The following RANBP2 variants were observed in gnomAD, a reference collection of about 807,000 sequenced individuals.
The protein encoded by RANBP2 is RAN binding protein 2.
In RANBP2, 57 loss-of-function variants were observed where a neutral mutation model predicts 303.6. The ratio of observed to expected loss-of-function variants is 0.19; its 90% CI spans 0.15 to 0.23. The LOEUF is 0.23. RANBP2 is among the 10% of genes least tolerant of loss of function. RANBP2 has a pLI of 1.00. For missense variants in RANBP2, 3,138 were observed against 3,780.8 expected, an observed-to-expected ratio of 0.83 and a Z score of 4.46; for synonymous variants, 1,167 against 1,301.5, an observed-to-expected ratio of 0.90 and a Z score of 2.23.
chr2:109,409,903 G>A, the RANBP2 span, among the ~76,000 whole-genome samples: 1 of 152,142 alleles, frequency 6.6e-6, no homozygotes, highest in Non-Finnish European at 1.5e-5. Flanking sequence ...GCTCCTTGGG[G>A]TGATGACAGT....
chr2:109,474,979 T>C, the RANBP2 span, among the ~76,000 whole-genome samples: 1 of 152,144 alleles, frequency 6.6e-6, no homozygotes, highest in East Asian at 1.9e-4. Flanking sequence ...TTTTGTTTGT[T>C]TGTTTGTTTG....
At chr2:108,741,432 G>A (rs1696079228) in intron 7 of RANBP2, among the ~76,000 whole-genome samples, 1 of 148,718 alleles carries the variant, frequency 6.7e-6, no homozygotes, top group South Asian at 2.1e-4. Context: ...TCTTGACCTC[G>A]TGATCTGCCT....
chr2:109,564,470 C>T, the RANBP2 span: 3 of 1,588,644 alleles, frequency 1.9e-6, no homozygotes, highest in Non-Finnish European at 2.6e-6. Flanking sequence ...CTCGCAGGTC[C>T]TCCATATTTG....
the RANBP2 span, among the ~76,000 whole-genome samples, chr2:109,279,267 C>A: frequency 6.6e-6 from 1 of 152,210 alleles, no homozygotes; most frequent in Admixed American, 6.5e-5. Context: ...GCTCCTGCCA[C>A]GTCCTTTGTT....
At chr2:109,419,482 T>C in the RANBP2 span, 353 of 1,522,336 alleles carry the variant, frequency 2.3e-4, 3 homozygotes, top group African/African-American at 4.4e-3. Context: ...TGCTTTTCTC[T>C]TTCCCTTGGA....
the RANBP2 span, among the ~76,000 whole-genome samples, chr2:109,274,871 C>G: frequency 1.4e-5 from 2 of 147,690 alleles, no homozygotes; most frequent in African/African-American, 2.5e-5. Context: ...ATTGTCCCCA[C>G]CATATAAAAA....
chr2:108,787,703 G>T (rs1162090304), downstream of RANBP2, among the ~76,000 whole-genome samples: 1 of 151,822 alleles, frequency 6.6e-6, no homozygotes, highest in African/African-American at 2.4e-5. Flanking sequence ...TTTGTTTTCT[G>T]TAAGGTTGTT....
intron 20 of RANBP2, among the ~76,000 whole-genome samples, chr2:108,771,189 A>T (rs1677472251): frequency 1.3e-5 from 2 of 150,478 alleles, no homozygotes; most frequent in South Asian, 4.2e-4. Flanking sequence ...AACATAGGCA[A>T]ACTAGATGCA....
At chr2:108,967,606 G>T in the RANBP2 span, among the ~76,000 whole-genome samples, 2 of 152,150 alleles carry the variant, frequency 1.3e-5, no homozygotes, top group Admixed American at 1.3e-4. Flanking sequence ...AAGAGCAGGG[G>T]GCTGTCCATG....
the RANBP2 span, among the ~76,000 whole-genome samples, chr2:109,799,334 C>CTT: frequency 3.4e-5 from 1 of 29,102 alleles, no homozygotes. Flanking sequence ...TGCTATAGTT[C>CTT]TTTTTTTTTT....
At chr2:109,426,997 C>G in the RANBP2 span, among the ~76,000 whole-genome samples, 1 of 151,824 alleles carries the variant, frequency 6.6e-6, no homozygotes, top group Admixed American at 6.6e-5. Context: ...TGAGACGAGT[C>G]TCGCTCTGTC....
the RANBP2 span, among the ~76,000 whole-genome samples, chr2:109,202,310 C>G: frequency 6.6e-6 from 1 of 152,092 alleles, no homozygotes; most frequent in Non-Finnish European, 1.5e-5. Flanking sequence ...CGGAGGGGAG[C>G]GATGGATAAT....
the RANBP2 span, among the ~76,000 whole-genome samples, chr2:108,944,447 T>A: frequency 6.6e-6 from 1 of 152,220 alleles, no homozygotes; most frequent in Non-Finnish European, 1.5e-5. Context: ...TAATTTAAAA[T>A]AGTTTGACTA....
chr2:109,116,232 A>G, the RANBP2 span, among the ~76,000 whole-genome samples: 5 of 152,336 alleles, frequency 3.3e-5, no homozygotes, highest in African/African-American at 9.6e-5. Context: ...GTGTTTTCCA[A>G]CTTGGTTCCA....
the RANBP2 span, among the ~76,000 whole-genome samples, chr2:109,481,707 C>T: frequency 6.6e-6 from 1 of 152,204 alleles, no homozygotes; most frequent in Non-Finnish European, 1.5e-5. Context: ...ACAGTTGCCA[C>T]TTACAGAGAG....
the RANBP2 span, among the ~76,000 whole-genome samples, chr2:109,142,044 G>GT: frequency 4.6e-5 from 2 of 43,012 alleles, no homozygotes; most frequent in Non-Finnish European, 1.5e-4. Flanking sequence ...TGAGTCTCCT[G>GT]GGGGGGGGGT....
chr2:108,772,717 T>G, intron 22 of RANBP2, 136 bp downstream of exon 22: 1 of 1,215,292 alleles, frequency 8.2e-7, no homozygotes, highest in Non-Finnish European at 1.2e-6. Context: ...AACTAACAGG[T>G]GAAAATATTC....
chr2:108,784,067 C>A lies in RANBP2; in HGVS notation c.*166C>A. The A allele has an allele frequency of 1.5e-6, 1 of 659,302 alleles. No homozygotes were observed. Among genetic ancestry groups the A allele is most frequent in the Non-Finnish European group, 2.5e-6 (1 of 394,512 alleles). The allele number at this position is 659,302 out of a possible 1,614,324, so 40.8% of individuals were successfully genotyped here. The stretch of plus-strand genomic sequence containing the variant: ...TCACTTTTTAATGTGTTATAATTGA[C>A]CTTGCATGGTGTGAAATAAAAGTTT... On this transcript the variant is annotated 3_prime_UTR_variant, in exon 29 of 29. Coordinates refer to ENST00000283195, the MANE Select transcript of RANBP2 (RefSeq NM_006267.5).
At chr2:108,755,506 C>T (rs1395581672) in intron 17 of RANBP2, among the ~76,000 whole-genome samples, 1 of 151,908 alleles carries the variant, frequency 6.6e-6, no homozygotes, top group South Asian at 2.1e-4. Context: ...GCTCTTGGCT[C>T]AGCCTGCCAC....
Sources: gnomAD v4.1 joint callset for allele counts (sites outside exome capture counted in the v4.1 genomes callset) on GRCh38, gnomAD v4.1.1 for gene constraint, MANE v1.5 for transcripts, NCBI Gene and HGNC (gene_info 2026-07-23, HGNC 2026-07-21) for gene names.